The following IL17RC variants were observed in gnomAD, a reference collection of about 807,000 sequenced individuals.
IL17RC encodes interleukin-17 receptor C.
IL17RC carries 53 observed loss-of-function variants against 86.7 expected under a neutral mutation model. That is an observed-to-expected ratio of 0.61 (90% CI 0.49 to 0.77). IL17RC has a LOEUF of 0.77. IL17RC is among the 30% of genes least tolerant of loss of function. The probability of loss-of-function intolerance (pLI) is 0.00; values close to 1 mark genes in which losing one functional copy is unlikely to be tolerated. For missense variants in IL17RC, 957 were observed against 940.0 expected, an observed-to-expected ratio of 1.02 and a Z score of -0.24; for synonymous variants, 439 against 413.1, an observed-to-expected ratio of 1.06 and a Z score of -0.76.
rs1450432539 is a variant in IL17RC at position 9,917,989 on chromosome 3, A to G, written c.194A>G (p.His65Arg). 2 of 1,613,690 alleles carry G rather than the reference A, an allele frequency of 1.2e-6. No individual in the cohort carries two copies. The highest frequency in any genetic ancestry group is 1.7e-6 in the Non-Finnish European group (2 of 1,179,932). ...PAPGPVLAPTHLQTELVLRCQ... is the reference protein window; with the variant it reads ...PAPGPVLAPTRLQTELVLRCQ... ...CCGGGCCCCGTGCTGGCGCCTACGC[A>G]CCTGCAGACAGAGCTGGTGCTGAGG... Residue 65 changes from histidine to arginine, a missense_variant, in exon 3 of 19, where the codon CAC becomes CGC. Transcript: ENST00000403601.
chr3:9,928,318 C>T lies in IL17RC; in HGVS notation c.891C>T (p.His297=). The change falls in exon 11 of 19, where the codon CAC becomes CAT. Residue 297 remains histidine (H), a synonymous_variant. Transcript: ENST00000403601. ...ICPFREDPRA[H]QNLWQAARLQ... Reference sequence around the variant, plus strand: ...CTTTCCTTGCAGACCCCCGCGCACACCAGAACCTCTGGCAAGCCGCCCGAC... The same window carrying T: ...CTTTCCTTGCAGACCCCCGCGCACATCAGAACCTCTGGCAAGCCGCCCGAC... 1.2e-6 allele frequency: 2 copies of T among 1,605,232 alleles called. No homozygotes were observed. The highest frequency in any genetic ancestry group is 1.1e-5 in the South Asian group (1 of 90,494).
chr3:9,919,468 C>A (rs1370873618), intron 5 of IL17RC, among the ~76,000 whole-genome samples: 2 of 151,824 alleles, frequency 1.3e-5, no homozygotes, highest in Non-Finnish European at 2.9e-5. Context: ...CACTGTGAAA[C>A]CCTGCCTCCA....
chr3:9,927,156 T>A (rs2084162651), intron 9 of IL17RC, among the ~76,000 whole-genome samples: 1 of 152,262 alleles, frequency 6.6e-6, no homozygotes, highest in African/African-American at 2.4e-5. Flanking sequence ...ATGCACATAA[T>A]AGGCACTCTT....
intron 7 of IL17RC, among the ~76,000 whole-genome samples, chr3:9,923,037 A>T (rs1463349342): frequency 6.6e-6 from 1 of 151,820 alleles, no homozygotes. Context: ...TCAGCTGGGC[A>T]TGGTGGCAGG....
At chr3:9,926,389 A>C (rs150072820) in intron 9 of IL17RC, among the ~76,000 whole-genome samples, 132 of 152,208 alleles carry the variant, frequency 8.7e-4, no homozygotes, top group African/African-American at 2.2e-3. Context: ...TCAATCACTT[A>C]CTTTCTTATT....
In IL17RC at chr3:9,933,047, G is replaced by C. The variant is rs768074002; in HGVS notation, c.1617G>C (p.Gln539His). 1.3e-6 allele frequency: 2 copies of C among 1,547,386 alleles called. No homozygotes were observed. The highest frequency in any genetic ancestry group is 1.2e-5 in the South Asian group (1 of 81,394). Residue 539 changes from glutamine (Q) to histidine (H), a missense_variant, in exon 19 of 19, where the codon CAG (glutamine) becomes CAC (histidine). By Grantham distance (24) the Gln-to-His change is conservative. Transcript: ENST00000403601. ...GCGCCCTGGCGTCGGCCCTGTGCCA[G>C]CTGCCGCTGCGCGTGGCCGTAGACC... ...LVGALASALC[Q>H]LPLRVAVDLW...
In IL17RC at chr3:9,929,878, G is replaced by C. The variant is rs1484051614; in HGVS notation, c.1137G>C (p.Leu379=). Residue 379 remains leucine (L), a synonymous_variant, in exon 13 of 19, where the codon CTG becomes CTC. Transcript: ENST00000403601. ...TGAACAGCTCGGAGAAGCTGCAGCT[G>C]CAGGAGTGCTTGTGGGCTGGTGAGT... ...VQVNSSEKLQ[L]QECLWADSLG... 2 of 1,614,084 alleles carry C rather than the reference G, an allele frequency of 1.2e-6. No individual in the cohort carries two copies. Among genetic ancestry groups the C allele is most frequent in the African/African-American group, 1.3e-5 (1 of 74,936 alleles).
intron 1 of IL17RC, 125 bp from the exon 2 acceptor site, chr3:9,917,588 C>A: frequency 6.2e-7 from 1 of 1,614,134 alleles, no homozygotes; most frequent in Non-Finnish European, 8.5e-7. Context: ...AGAGCTGGGT[C>A]TGTCTTTCTC....
intron 5 of IL17RC, among the ~76,000 whole-genome samples, chr3:9,919,781 C>G (rs1367824240): frequency 2.6e-5 from 4 of 152,052 alleles, no homozygotes; most frequent in African/African-American, 9.7e-5. Flanking sequence ...TCAAAACTAC[C>G]TGATGAGGCA....
intron 12 of IL17RC, chr3:9,929,579 T>G: frequency 2.0e-6 from 1 of 488,974 alleles, no homozygotes; most frequent in Non-Finnish European, 3.7e-6. Flanking sequence ...AGGAATCTCT[T>G]TGAGAAGGTT....
At chr3:9,925,493 C>T (rs1034411800) in intron 9 of IL17RC, among the ~76,000 whole-genome samples, 2 of 152,096 alleles carry the variant, frequency 1.3e-5, no homozygotes, top group African/African-American at 4.8e-5. Context: ...TTCTTTCCCC[C>T]TCCTCTCCAT....
chr3:9,931,567 C>T (rs1022757137), intron 16 of IL17RC, among the ~76,000 whole-genome samples: 7 of 150,818 alleles, frequency 4.6e-5, no homozygotes, highest in Admixed American at 3.3e-4. Flanking sequence ...AGTGCAATGG[C>T]GCGATCTCGG....
chr3:9,918,479 C>T, intron 4 of IL17RC, 21 bp from the exon 5 acceptor site: 2 of 1,611,000 alleles, frequency 1.2e-6, no homozygotes, highest in Non-Finnish European at 1.7e-6. Flanking sequence ...GCCTGACTGA[C>T]CCCTGCCCTG....
In IL17RC at chr3:9,930,309, T is replaced by C. The variant is rs2125277025; in HGVS notation, c.1279-91T>C. 1 of 1,541,514 alleles carries C rather than the reference T, an allele frequency of 6.5e-7. No individual in the cohort carries two copies. Among genetic ancestry groups the C allele is most frequent in the South Asian group, 1.1e-5 (1 of 88,172 alleles). ...GCATCACCAAAGTCTCCCAGTCCCC[T>C]CTACCTCATTCTACCCAGCTGTAGC... On this transcript the variant is annotated intron_variant, in intron 14 of 18. Coordinates refer to ENST00000403601, the MANE Select transcript of IL17RC (RefSeq NM_153460.4). This position sits in a 1 kb window ranked among gnomAD's most constrained non-coding sequence, Gnocchi z 5.8.
Position 9,920,980 on chromosome 3 carries a change from G to T in IL17RC, c.622+11G>T. The T allele has an allele frequency of 6.4e-7, 1 of 1,571,658 alleles. No homozygotes were observed. Among genetic ancestry groups the T allele is most frequent in the Non-Finnish European group, 8.6e-7 (1 of 1,162,996 alleles). On this transcript the variant is annotated intron_variant, in intron 7 of 18. Transcript: ENST00000403601. ...TCCCGAGCTGCTGGGGTAGGGGCTA[G>T]GGCCAGTGGGCCGGGGGTAGGGAGG...
intron 9 of IL17RC, 46 bp from the exon 10 acceptor site, chr3:9,928,120 A>G (rs765909987): frequency 6.3e-7 from 1 of 1,587,072 alleles, no homozygotes; most frequent in Non-Finnish European, 8.7e-7. Flanking sequence ...AGGGCCAGGC[A>G]CATGCCCATG....
rs2084335157 is a variant in IL17RC, at chr3:9,928,581, A to C, written c.1061A>C (p.Lys354Thr). 1.2e-6 allele frequency: 2 copies of C among 1,613,794 alleles called. No individual in the cohort carries two copies. The highest frequency in any genetic ancestry group is 4.5e-5 in the East Asian group (2 of 44,870). ...CCACCCATTCCTCTCTTTCCACAGA[A>C]GGTTCTCGAGTTCCCATTGCTGAAA... ...PLSWENVTVD[K>T]VLEFPLLKGH... The change falls in exon 12 of 19, where the codon AAG (lysine) becomes ACG (threonine). Residue 354 changes from lysine to threonine, a missense_variant and splice_region_variant. Transcript: ENST00000403601.
At position 9,923,863 on chromosome 3, in the gene IL17RC, CTT is replaced by C; in HGVS notation, c.623-16_623-15del. On this transcript the variant is annotated splice_polypyrimidine_tract_variant and intron_variant, in intron 7 of 18. Transcript: ENST00000403601. ...GGTGAGGAAGTCTAAGCTGCGCTCT[CTT>C]TGCCTCTCCCACCAGCCCTGCCCTG... The C allele has an allele frequency of 6.2e-7, 1 of 1,613,538 alleles. No homozygotes were observed. Among genetic ancestry groups the C allele is most frequent in the South Asian group, 1.1e-5 (1 of 91,046 alleles).
rs2083174482 is a variant in IL17RC, at chr3:9,917,453, G to T, written c.105+33G>T. On this transcript the variant is annotated intron_variant, in intron 1 of 18. Transcript: ENST00000403601. ...TGGAACCCTGGGGAGACGAGGAAAG[G>T]CTCAGGGTTCAGTTTTTGGCTCAGC... is the stretch of plus-strand genomic sequence containing the variant. 3 of 1,614,094 alleles carry T rather than the reference G, an allele frequency of 1.9e-6. No homozygotes were observed. The highest frequency in any genetic ancestry group is 1.7e-5 in the Admixed American group (1 of 60,010).
Sources: gnomAD v4.1 joint callset for allele counts (sites outside exome capture counted in the v4.1 genomes callset) on GRCh38, gnomAD v4.1.1 for gene constraint, Gnocchi (gnomAD v3.1) non-coding constraint, MANE v1.5 for transcripts, NCBI Gene and HGNC (gene_info 2026-07-23, HGNC 2026-07-21) for gene names.